CC2D2A: variants seen among roughly 807,000 people sequenced by gnomAD.
CC2D2A encodes coiled-coil and C2 domain containing 2A.
CC2D2A carries 155 observed loss-of-function variants against 212.9 expected under a neutral mutation model. The observed-to-expected ratio is 0.73, with a 90% confidence interval of 0.64 to 0.83. The LOEUF (loss-of-function observed/expected upper bound fraction) is 0.83, where lower values mean the gene tolerates loss of function less well. Ranked by LOEUF, CC2D2A falls within the 40% of genes least tolerant of loss-of-function variation. The pLI is 0.00. For synonymous variants in CC2D2A, 667 were observed against 686.5 expected (o/e 0.97, Z 0.44); for missense variants, 1,856 against 1,956.2 (o/e 0.95, Z 0.97).
chr4:15,582,150 T>A (rs932826467), intron 30 of CC2D2A, among the ~76,000 whole-genome samples: 1 of 152,098 alleles, frequency 6.6e-6, no homozygotes, highest in African/African-American at 2.4e-5. Context: ...AAGTACCAAG[T>A]GGAACTTATA....
intron 14 of CC2D2A, among the ~76,000 whole-genome samples, chr4:15,534,268 T>C (rs555772547): frequency 1.3e-5 from 2 of 152,324 alleles, no homozygotes; most frequent in South Asian, 4.1e-4. Flanking sequence ...TCCTACTCAT[T>C]AGTTGTCTTT....
chr4:15,559,093 GATAA>G (rs1230280703), intron 21 of CC2D2A, 68 bp from the exon 22 acceptor site: 6 of 877,758 alleles, frequency 6.8e-6, no homozygotes, highest in Non-Finnish European at 1.1e-5. Flanking sequence ...AATCATATGT[GATAA>G]ATAATTACCT....
chr4:15,528,626 G>A lies in CC2D2A; in HGVS notation c.1366G>A (p.Ala456Thr). The change falls in exon 13 of 37, where the codon GCT becomes ACT. Residue 456 changes from alanine to threonine, a missense_variant. By Grantham distance (58) the Ala-to-Thr change is moderately conservative (BLOSUM62 0). Around this residue, in one of 5 missense-constraint regions of CC2D2A, gnomAD observed 1,512 missense variants for 1,579.3 expected, o/e 0.96. Coordinates refer to ENST00000424120, the MANE Select transcript of CC2D2A (RefSeq NM_001378615.1). Reference sequence around the variant, plus strand: ...GTATCCATGTCGTTTTAAGCTCCAAGCTTTAAGAAATGCTGTTCAGACTGG... The same window carrying A: ...GTATCCATGTCGTTTTAAGCTCCAAACTTTAAGAAATGCTGTTCAGACTGG... ...KAKFLTDKLQALRNAVQTGLD... is the reference protein window; with the variant it reads ...KAKFLTDKLQTLRNAVQTGLD... 1.2e-6 allele frequency: 2 copies of A among 1,613,418 alleles called. No homozygotes were observed. The highest frequency in any genetic ancestry group is 1.7e-6 in the Non-Finnish European group (2 of 1,179,494).
rs2109092096 is a variant in CC2D2A at position 15,589,671 on chromosome 4, C to T, written c.4306C>T (p.Pro1436Ser). ...PLKNVGCLIG[P>S]DNIWFNIQRY... ...GAAAAATGTGGGCTGTTTAATAGGT[C>T]CTGACAATGTAAGTATTAACATTTC... is the stretch of plus-strand genomic sequence containing the variant. Residue 1436 changes from proline to serine, a missense_variant, in exon 33 of 37, where the codon CCT becomes TCT. Coordinates refer to ENST00000424120, the MANE Select transcript of CC2D2A (RefSeq NM_001378615.1). The T allele has an allele frequency of 6.4e-7, 1 of 1,556,396 alleles. No homozygotes were observed. Among genetic ancestry groups the T allele is most frequent in the African/African-American group, 1.4e-5 (1 of 73,592 alleles).
chr4:15,593,884 C>T (rs1310292636), intron 33 of CC2D2A, among the ~76,000 whole-genome samples: 1 of 152,180 alleles, frequency 6.6e-6, no homozygotes, highest in Non-Finnish European at 1.5e-5. Context: ...TGTCTAGTCT[C>T]AAAACAGCAC....
At chr4:15,470,665 C>CTT (rs1713683639) in intron 1 of CC2D2A, among the ~76,000 whole-genome samples, 1 of 69,526 alleles carries the variant, frequency 1.4e-5, no homozygotes, top group African/African-American at 6.6e-5. Context: ...CTCTCTCTCT[C>CTT]TCTCTCTCTC....
intron 4 of CC2D2A, among the ~76,000 whole-genome samples, chr4:15,486,048 T>C (rs573000474): frequency 2.6e-5 from 4 of 152,288 alleles, no homozygotes; most frequent in African/African-American, 7.2e-5. Context: ...TAATTTATTA[T>C]TGAATACAGT....
chr4:15,526,800 C>G (rs1335165660), intron 11 of CC2D2A, among the ~76,000 whole-genome samples: 10 of 152,164 alleles, frequency 6.6e-5, no homozygotes, highest in African/African-American at 2.4e-4. Context: ...GGAAGAAAAG[C>G]AAAGAGATGT....
At chr4:15,506,293 C>CT (rs555073465) in intron 6 of CC2D2A, among the ~76,000 whole-genome samples, 194 of 152,218 alleles carry the variant, frequency 1.3e-3, no homozygotes, top group African/African-American at 4.5e-3. Flanking sequence ...ACATTATATA[C>CT]TTTTTTATCA....
Position 15,538,090 on chromosome 4 carries a change from G to A in CC2D2A, c.1956G>A (p.Pro652=), listed in dbSNP as rs375131519. 1.6e-4 allele frequency: 249 copies of A among 1,604,168 alleles called. No individual in the cohort carries two copies. The African/African-American group carries it at 2.7e-3, about 17-fold the overall frequency. The change falls in exon 16 of 37, where the codon CCG becomes CCA. Residue 652 remains proline, a synonymous_variant. Transcript: ENST00000424120. Reference sequence around the variant, plus strand: ...GGCCTTGGGAGCCCACGCTGGTCCCGGAGCTAAGCCTGGCAGGAAGCGTAA... The same window carrying A: ...GGCCTTGGGAGCCCACGCTGGTCCCAGAGCTAAGCCTGGCAGGAAGCGTAA... ...RRRPWEPTLV[P]ELSLAGSVTP...
chr4:15,534,796 A>T (rs1366309837), intron 14 of CC2D2A, among the ~76,000 whole-genome samples: 1 of 152,144 alleles, frequency 6.6e-6, no homozygotes, highest in Non-Finnish European at 1.5e-5. Context: ...CAAGTATAAG[A>T]CTGTGTGATC....
intron 15 of CC2D2A, among the ~76,000 whole-genome samples, chr4:15,537,633 C>T (rs1718204930): frequency 6.6e-6 from 1 of 152,118 alleles, no homozygotes; most frequent in South Asian, 2.1e-4. Context: ...AAGCTCTTTC[C>T]AGGGACTAGG....
intron 6 of CC2D2A, among the ~76,000 whole-genome samples, chr4:15,506,618 T>C (rs1450035975): frequency 6.6e-6 from 1 of 152,134 alleles, no homozygotes; most frequent in Non-Finnish European, 1.5e-5. Context: ...CATCAGTCTC[T>C]CTCCTTTGCT....
At chr4:15,530,103 C>G (rs994117172) in intron 13 of CC2D2A, among the ~76,000 whole-genome samples, 1 of 151,496 alleles carries the variant, frequency 6.6e-6, no homozygotes, top group Non-Finnish European at 1.5e-5. Flanking sequence ...TCCCGAGTAG[C>G]TGGGACTACA....
intron 20 of CC2D2A, 100 bp downstream of exon 20, chr4:15,555,310 G>A (rs1719222042): frequency 4.9e-6 from 7 of 1,423,096 alleles, no homozygotes; most frequent in East Asian, 4.6e-5. Context: ...AAGAACATGG[G>A]TGCTGGGTTG....
intron 1 of CC2D2A, among the ~76,000 whole-genome samples, chr4:15,472,158 A>G (rs1713873101): frequency 6.6e-6 from 1 of 152,218 alleles, no homozygotes. Flanking sequence ...GGAATCACAG[A>G]GTCTTGGGAT....
chr4:15,548,524 C>T (rs1477060756), intron 17 of CC2D2A, among the ~76,000 whole-genome samples: 2 of 151,576 alleles, frequency 1.3e-5, no homozygotes, highest in Admixed American at 6.6e-5. Flanking sequence ...CCCTGTGCTT[C>T]CTACAAAAGG....
At chr4:15,507,064 C>T (rs893084044) in intron 6 of CC2D2A, among the ~76,000 whole-genome samples, 3 of 146,550 alleles carry the variant, frequency 2.0e-5, no homozygotes, top group East Asian at 2.0e-4. Context: ...GGTGACAGAA[C>T]GAGACTCCAT....
chr4:15,571,338 A>G (rs955963605), intron 28 of CC2D2A, among the ~76,000 whole-genome samples: 2 of 152,236 alleles, frequency 1.3e-5, no homozygotes, highest in African/African-American at 4.8e-5. Context: ...AAGGGGATCC[A>G]TTAAGTTGAC....
Sources: allele counts gnomAD v4.1 joint callset (sites outside exome capture counted in the v4.1 genomes callset), GRCh38; gene constraint gnomAD v4.1.1; regional missense constraint gnomAD v4.1.1; transcripts MANE v1.5; gene names NCBI Gene and HGNC (gene_info 2026-07-23, HGNC 2026-07-21).